The following PCNT variants were observed in gnomAD, a reference collection of about 807,000 sequenced individuals.
The protein encoded by PCNT is pericentrin.
In PCNT, 319 loss-of-function variants were observed where a neutral mutation model predicts 380.4. The ratio of observed to expected loss-of-function variants is 0.84; its 90% CI spans 0.77 to 0.92. The LOEUF is 0.92. Ranked by LOEUF, PCNT falls within the 40% of genes least tolerant of loss-of-function variation. The pLI, the probability that PCNT is intolerant of heterozygous loss-of-function variation, is 0.00. For synonymous variants in PCNT, 1,845 were observed against 1,735.2 expected, an observed-to-expected ratio of 1.06 and a Z score of -1.57; for missense variants, 4,400 against 4,255.3, an observed-to-expected ratio of 1.03 and a Z score of -0.95.
intron 15 of PCNT, among the ~76,000 whole-genome samples, chr21:46,370,189 A>G (rs1298342999): frequency 7.3e-6 from 1 of 137,252 alleles, no homozygotes; most frequent in African/African-American, 2.8e-5. Context: ...GTGTCAGTGC[A>G]CCTGGCCAGC....
At chr21:46,438,410 G>C in intron 41 of PCNT, 73 bp downstream of exon 41, 1 of 1,406,086 alleles carries the variant, frequency 7.1e-7, no homozygotes, top group South Asian at 1.2e-5. Flanking sequence ...CACCCCACAA[G>C]AGGCCGGGCT....
At chr21:46,390,855 G>A (rs745451444) in intron 20 of PCNT, 23 bp downstream of exon 20, 2 of 1,600,726 alleles carry the variant, frequency 1.2e-6, no homozygotes, top group Non-Finnish European at 1.7e-6. Flanking sequence ...AGGCCTCGGG[G>A]CACCTGGAGC....
chr21:46,383,971 A>G (rs2085711506), intron 16 of PCNT, among the ~76,000 whole-genome samples: 1 of 145,674 alleles, frequency 6.9e-6, no homozygotes, highest in South Asian at 2.3e-4. Flanking sequence ...CAGTGGCGGA[A>G]GCGCATTCAC....
At chr21:46,435,844 C>T in intron 38 of PCNT, 60 bp from the exon 39 acceptor site, 6 of 1,609,268 alleles carry the variant, frequency 3.7e-6, no homozygotes, top group Non-Finnish European at 5.1e-6. Context: ...GCCCGGCCGG[C>T]AGTTTTGTTT....
chr21:46,345,068 G>A lies in PCNT; in HGVS notation c.640-1060G>A, dbSNP rs73373866. Among the ~76,000 whole-genome samples the A allele has an allele frequency of 4.8e-3, 726 of 152,182 alleles. 8 individuals are homozygous for A. Among genetic ancestry groups the A allele is most frequent in the African/African-American group, 0.016 (677 of 41,514 alleles). On this transcript the variant is annotated intron_variant, in intron 3 of 46. Transcript: ENST00000359568. ...TCTCTAGATTGGTTTACCTTTCATC[G>A]GTACCCACTTTTTCCAGGCATTTTA...
At chr21:46,359,757 G>A (rs2084636904) in intron 13 of PCNT, among the ~76,000 whole-genome samples, 1 of 151,698 alleles carries the variant, frequency 6.6e-6, no homozygotes, top group South Asian at 2.1e-4. Flanking sequence ...AAATTTTTGG[G>A]TTTACAGGCG....
intron 9 of PCNT, among the ~76,000 whole-genome samples, chr21:46,352,358 C>T (rs111917804): frequency 6.6e-6 from 1 of 152,188 alleles, no homozygotes; most frequent in African/African-American, 2.4e-5. Context: ...ATTTATCTTC[C>T]TCTGGGGGTC....
At position 46,326,405 on chromosome 21, in the gene PCNT, A is replaced by G; in HGVS notation, c.83A>G (p.Lys28Arg). The change falls in exon 2 of 47, where the codon AAA becomes AGA. Residue 28 changes from lysine to arginine, a missense_variant. Physicochemically the swap from Lys to Arg is conservative, Grantham distance 26. Coordinates refer to ENST00000359568, the MANE Select transcript of PCNT (RefSeq NM_006031.6). The part of the protein sequence containing the change: ...KLAHFRQRKT[K>R]GDSSHSEKKT... ...GCTCACTTCCGACAGAGAAAAACAA[A>G]AGGTGACAGTTCGCATTCGGAGAAA... The G allele has an allele frequency of 3.7e-6, 6 of 1,614,246 alleles. No homozygotes were observed. Among genetic ancestry groups the G allele is most frequent in the Non-Finnish European group, 5.1e-6 (6 of 1,180,050 alleles).
intron 25 of PCNT, among the ~76,000 whole-genome samples, chr21:46,400,246 C>T (rs1033447352): frequency 3.3e-5 from 5 of 152,060 alleles, no homozygotes; most frequent in African/African-American, 4.8e-5. Context: ...TGTGTGTGTT[C>T]GTTTGTGTCT....
chr21:46,361,968 T>C (rs981031057), intron 13 of PCNT, among the ~76,000 whole-genome samples: 4 of 152,218 alleles, frequency 2.6e-5, no homozygotes, highest in Admixed American at 6.5e-5. Flanking sequence ...ATGGGTCAGC[T>C]GGGTTCAGGT....
chr21:46,391,711 CA>C (rs534753358), intron 21 of PCNT, among the ~76,000 whole-genome samples: 79 of 152,346 alleles, frequency 5.2e-4, no homozygotes, highest in Middle Eastern at 3.4e-3. Context: ...TTTAAAATTT[CA>C]TTTAAAATAA....
intron 21 of PCNT, 111 bp downstream of exon 21, chr21:46,391,487 A>C: frequency 1.2e-6 from 1 of 856,990 alleles, no homozygotes; most frequent in Non-Finnish European, 1.8e-6. Context: ...TCAAGTGTAA[A>C]CCAGCACGCA....
chr21:46,396,772 T>C (rs1351513714), intron 21 of PCNT, among the ~76,000 whole-genome samples: 1 of 152,032 alleles, frequency 6.6e-6, no homozygotes, highest in Non-Finnish European at 1.5e-5. Flanking sequence ...TCCAGCTAAT[T>C]TTGTATTTTT....
intron 41 of PCNT, among the ~76,000 whole-genome samples, chr21:46,439,746 C>T (rs1232709570): frequency 3.3e-5 from 5 of 152,090 alleles, no homozygotes; most frequent in African/African-American, 7.2e-5. Flanking sequence ...TTTCTAGGAC[C>T]GGAGAATATG....
Position 46,389,332 on chromosome 21 carries a change from A to G in PCNT, c.3741A>G (p.Glu1247=), listed in dbSNP as rs2085953282. Residue 1247 remains glutamate (E), a synonymous_variant, in exon 19 of 47, where the codon GAA becomes GAG. Coordinates refer to ENST00000359568, the MANE Select transcript of PCNT (RefSeq NM_006031.6). The part of the protein sequence containing the change: ...HMRESFLMSP[E]SVRECEQPIR... The stretch of plus-strand genomic sequence containing the variant: ...GTGAAAGCTTTCTCATGAGCCCAGA[A>G]AGTGTGCGGGAGTGTGAGCAGCCCA... The G allele has an allele frequency of 6.2e-7, 1 of 1,614,118 alleles. No individual in the cohort carries two copies. The highest frequency in any genetic ancestry group is 8.5e-7 in the Non-Finnish European group (1 of 1,180,060).
At chr21:46,378,093 C>T (rs1163082902) in intron 15 of PCNT, among the ~76,000 whole-genome samples, 2 of 152,074 alleles carry the variant, frequency 1.3e-5, no homozygotes, top group African/African-American at 4.8e-5. Flanking sequence ...GTTCTGTATT[C>T]CTCCATTACT....
chr21:46,346,704 G>A (rs2146549747), intron 4 of PCNT, 39 bp from the exon 5 acceptor site: 2 of 1,577,516 alleles, frequency 1.3e-6, no homozygotes, highest in East Asian at 2.3e-5. Context: ...CCCTGGTTCT[G>A]ACCATGGGCC....
Position 46,346,129 on chromosome 21 carries a change from A to G in PCNT, c.641A>G (p.Glu214Gly), listed in dbSNP as rs2084057818. Reference protein sequence around the residue: ...PAEQRGMFTKECEQECELAIT... With the variant: ...PAEQRGMFTKGCEQECELAIT... ...ACATTCTTTGCCTTTTTTCCCCAGG[A>G]GTGTGAACAAGAATGTGAACTTGCC... is the stretch of plus-strand genomic sequence containing the variant. The change falls in exon 4 of 47, where the codon GAG (glutamate) becomes GGG (glycine). Residue 214 changes from glutamate to glycine, a missense_variant and splice_region_variant. Coordinates refer to ENST00000359568, the MANE Select transcript of PCNT (RefSeq NM_006031.6). The G allele has an allele frequency of 6.2e-7, 1 of 1,613,880 alleles. No homozygotes were observed.
chr21:46,362,371 C>T (rs1247137351), intron 13 of PCNT, among the ~76,000 whole-genome samples: 1 of 152,168 alleles, frequency 6.6e-6, no homozygotes, highest in Non-Finnish European at 1.5e-5. Flanking sequence ...AGTGCTGTTT[C>T]TTCCTTCTGA....
Sources: gnomAD v4.1 joint callset for allele counts (sites outside exome capture counted in the v4.1 genomes callset) on GRCh38, gnomAD v4.1.1 for gene constraint, MANE v1.5 for transcripts, NCBI Gene and HGNC (gene_info 2026-07-23, HGNC 2026-07-21) for gene names.